SEMA3D: variants seen among roughly 807,000 people sequenced by gnomAD.
SEMA3D encodes semaphorin-3D.
SEMA3D carries 84 observed loss-of-function variants against 100.1 expected under a neutral mutation model. The observed-to-expected ratio is 0.84, with a 90% confidence interval of 0.70 to 1.01. The LOEUF (loss-of-function observed/expected upper bound fraction) is 1.01. Among genes scored for constraint, SEMA3D ranks in the 50% least tolerant of loss-of-function variants. The pLI is 0.00. For missense variants in SEMA3D, 875 were observed against 934.1 expected (o/e 0.94, Z 0.82); for synonymous variants, 312 against 320.7 (o/e 0.97, Z 0.29).
In SEMA3D at chr7:85,046,842, T is replaced by A. The variant is rs114153508; in HGVS notation, c.862-4557A>T. Among the ~76,000 whole-genome samples, 577 of 152,082 alleles carry A rather than the reference T, an allele frequency of 3.8e-3. 2 individuals are homozygous for A. Among genetic ancestry groups the A allele is most frequent in the African/African-American group, 0.013 (553 of 41,538 alleles). On this transcript the variant is annotated intron_variant, in intron 9 of 18. Coordinates refer to ENST00000284136, the MANE Select transcript of SEMA3D (RefSeq NM_001384900.1). ...TACTAAATTGTCACCTCCTTGCTTATTTTTGTGAAGTTCTAAAGAATATAA... is the reference window on the plus strand; with the variant it reads ...TACTAAATTGTCACCTCCTTGCTTAATTTTGTGAAGTTCTAAAGAATATAA...
intron 1 of SEMA3D, among the ~76,000 whole-genome samples, chr7:85,160,810 G>A: frequency 6.6e-6 from 1 of 152,136 alleles, no homozygotes. Context: ...GCAACAAGTT[G>A]ATAGACAAAG....
At chr7:85,130,080 T>TA (rs1789681378) in intron 2 of SEMA3D, among the ~76,000 whole-genome samples, 1 of 152,092 alleles carries the variant, frequency 6.6e-6, no homozygotes, top group African/African-American at 2.4e-5. Flanking sequence ...GGAAATAGGA[T>TA]AAAAAATTTA....
the SEMA3D span, among the ~76,000 whole-genome samples, chr7:85,250,146 T>G: frequency 6.6e-6 from 1 of 152,024 alleles, no homozygotes; most frequent in Non-Finnish European, 1.5e-5. Context: ...ACCCGAATAC[T>G]GCGCTTTTCC....
At chr7:85,211,139 G>C in the SEMA3D span, among the ~76,000 whole-genome samples, 7 of 152,166 alleles carry the variant, frequency 4.6e-5, no homozygotes, top group African/African-American at 1.7e-4. Context: ...TTTAACCAAA[G>C]AGGATGAATG....
At chr7:85,065,212 T>C (rs1412431020) in intron 8 of SEMA3D, among the ~76,000 whole-genome samples, 1 of 152,168 alleles carries the variant, frequency 6.6e-6, no homozygotes, top group Non-Finnish European at 1.5e-5. Context: ...AGAAGAGTGT[T>C]GAGGAATAGC....
rs919216888 is a variant in SEMA3D, at chr7:85,143,057, C to A, written c.-41+10551G>T. On this transcript the variant is annotated intron_variant, in intron 2 of 18. Transcript: ENST00000284136. Reference sequence around the variant, plus strand: ...TTTACTCATAATGCAATAATTATTTCTAATAAGACAAACTTACAATTAGTT... The same window carrying A: ...TTTACTCATAATGCAATAATTATTTATAATAAGACAAACTTACAATTAGTT... 8 of 935,330 alleles carry A rather than the reference C, an allele frequency of 8.6e-6. No homozygotes were observed. In the African/African-American group the frequency reaches 1.2e-4, roughly 15 times the overall value. 57.9% of individuals were successfully genotyped at this position (935,330 alleles called of 1,614,324 possible).
chr7:85,100,445 A>AT (rs926613321), intron 3 of SEMA3D, among the ~76,000 whole-genome samples: 6 of 151,378 alleles, frequency 4.0e-5, no homozygotes, highest in African/African-American at 1.2e-4. Flanking sequence ...ATATTATCTT[A>AT]TTTTTTAAAT....
intron 1 of SEMA3D, among the ~76,000 whole-genome samples, chr7:85,160,587 C>T (rs1790719741): frequency 1.3e-5 from 2 of 152,006 alleles, no homozygotes; most frequent in African/African-American, 2.4e-5. Context: ...CCTTGGGGAA[C>T]AAGAAAACAT....
chr7:85,055,557 A>G (rs1004163288), intron 9 of SEMA3D, among the ~76,000 whole-genome samples, 160 bp downstream of exon 9: 23 of 149,052 alleles, frequency 1.5e-4, no homozygotes, highest in African/African-American at 5.4e-4. Flanking sequence ...GATCTCAAAA[A>G]TTACACATCT....
intron 1 of SEMA3D, among the ~76,000 whole-genome samples, chr7:85,156,431 C>T (rs1212216992): frequency 6.6e-6 from 1 of 152,082 alleles, no homozygotes; most frequent in African/African-American, 2.4e-5. Flanking sequence ...AAAGCAATCT[C>T]CAACTTCAAT....
chr7:85,080,389 A>G (rs1234116834), intron 5 of SEMA3D, among the ~76,000 whole-genome samples: 1 of 152,166 alleles, frequency 6.6e-6, no homozygotes, highest in Non-Finnish European at 1.5e-5. Context: ...CTTAGGCATT[A>G]TATGTCATAT....
intron 10 of SEMA3D, chr7:85,040,995 G>C (rs750528409): frequency 2.1e-5 from 5 of 233,848 alleles, no homozygotes; most frequent in Non-Finnish European, 4.1e-5. Context: ...CAAAAAATAA[G>C]TAATTTTTAC....
the SEMA3D span, among the ~76,000 whole-genome samples, chr7:85,226,215 A>C: frequency 0.31 from 47,479 of 151,270 alleles, 8,225 homozygotes; most frequent in African/African-American, 0.49. Flanking sequence ...ACACTTCGTT[A>C]AAAAAAAACT....
chr7:85,246,565 A>G, the SEMA3D span, among the ~76,000 whole-genome samples: 2 of 152,032 alleles, frequency 1.3e-5, no homozygotes, highest in Non-Finnish European at 2.9e-5. Flanking sequence ...AAAAATTAAA[A>G]CCTCAAGGAG....
the SEMA3D span, among the ~76,000 whole-genome samples, chr7:85,247,892 A>C: frequency 6.6e-6 from 1 of 152,174 alleles, no homozygotes; most frequent in African/African-American, 2.4e-5. Context: ...AAATTACCTC[A>C]AAGTGCATTA....
chr7:85,202,244 T>C, the SEMA3D span, among the ~76,000 whole-genome samples: 2 of 123,296 alleles, frequency 1.6e-5, no homozygotes, highest in African/African-American at 3.2e-5. Context: ...GAATGTGATG[T>C]TCCCTTTCCT....
At chr7:85,038,400 A>G (rs1034908488) in intron 11 of SEMA3D, among the ~76,000 whole-genome samples, 1 of 152,148 alleles carries the variant, frequency 6.6e-6, no homozygotes, top group Admixed American at 6.6e-5. Flanking sequence ...GGATATTTTA[A>G]AGGTATGATG....
At chr7:85,174,798 T>C (rs1791182130) in intron 1 of SEMA3D, among the ~76,000 whole-genome samples, 1 of 152,088 alleles carries the variant, frequency 6.6e-6, no homozygotes. Context: ...CAATAAAATA[T>C]ATAAAATTAT....
At chr7:85,218,687 A>G in the SEMA3D span, among the ~76,000 whole-genome samples, 1 of 152,150 alleles carries the variant, frequency 6.6e-6, no homozygotes, top group Admixed American at 6.6e-5. Context: ...AGAAAAATTA[A>G]TACATACAAA....
Sources: allele counts gnomAD v4.1 joint callset (sites outside exome capture counted in the v4.1 genomes callset), GRCh38; gene constraint gnomAD v4.1.1; transcripts MANE v1.5; gene names NCBI Gene and HGNC (gene_info 2026-07-23, HGNC 2026-07-21).